The following PITPNC1 variants were observed in gnomAD, a reference collection of about 807,000 sequenced individuals.
PITPNC1 encodes the protein cytoplasmic phosphatidylinositol transfer protein 1.
Under a neutral mutation model 44.7 loss-of-function variants are expected in PITPNC1, and 18 were observed. The observed-to-expected ratio is 0.40, with a 90% CI of 0.28 to 0.60. The LOEUF (loss-of-function observed/expected upper bound fraction) is 0.60, where lower values mean the gene tolerates loss of function less well. Ranked by LOEUF, PITPNC1 falls within the 20% of genes least tolerant of loss-of-function variation. The probability of loss-of-function intolerance (pLI) is 0.39; values close to 1 mark genes in which losing one functional copy is unlikely to be tolerated. For missense variants in PITPNC1, 290 were observed against 418.4 expected (o/e 0.69, Z 2.68); for synonymous variants, 141 against 149.6 (o/e 0.94, Z 0.42).
chr17:67,623,572 C>T (rs192972065), intron 5 of PITPNC1, among the ~76,000 whole-genome samples: 5 of 152,184 alleles, frequency 3.3e-5, no homozygotes, highest in Non-Finnish European at 7.4e-5. Context: ...TTTGTAGAGA[C>T]GGGGTTTCAT....
chr17:67,573,954 G>A (rs193225118), intron 4 of PITPNC1, among the ~76,000 whole-genome samples: 27 of 152,284 alleles, frequency 1.8e-4, no homozygotes, highest in Admixed American at 1.8e-3. Flanking sequence ...AGGGAACTTT[G>A]TGCTTATTTA....
At chr17:67,675,123 C>T (rs778633563) in intron 7 of PITPNC1, among the ~76,000 whole-genome samples, 2 of 151,938 alleles carry the variant, frequency 1.3e-5, no homozygotes, top group Non-Finnish European at 2.9e-5. Flanking sequence ...AAAGTAGATG[C>T]TGTTTTAGTT....
At chr17:67,571,717 G>A (rs2041060044) in intron 4 of PITPNC1, among the ~76,000 whole-genome samples, 1 of 152,208 alleles carries the variant, frequency 6.6e-6, no homozygotes, top group African/African-American at 2.4e-5. Context: ...ACCTCTCTTG[G>A]GTCCTATCCA....
chr17:67,574,953 T>C (rs552494841), intron 4 of PITPNC1, among the ~76,000 whole-genome samples: 1 of 152,234 alleles, frequency 6.6e-6, no homozygotes, highest in South Asian at 2.1e-4. Flanking sequence ...CACTCAAAAA[T>C]AACAACATCT....
Position 67,504,167 on chromosome 17 carries a change from T to C in PITPNC1, c.49-28635T>C, listed in dbSNP as rs137863561. Among the ~76,000 whole-genome samples the C allele has an allele frequency of 1.3e-3, 199 of 152,230 alleles. 1 individual carries two copies. The highest frequency in any genetic ancestry group is 4.6e-3 in the African/African-American group (190 of 41,554). ...AAGCACCCTATTTTGGGGTATTGCT[T>C]TCTGAGCCCCAACATCTCCAGCCTT... On this transcript the variant is annotated intron_variant, in intron 1 of 8. Coordinates refer to ENST00000581322, the MANE Select transcript of PITPNC1 (RefSeq NM_012417.4).
chr17:67,670,064 A>C (rs1567769791), intron 7 of PITPNC1, among the ~76,000 whole-genome samples: 1 of 152,000 alleles, frequency 6.6e-6, no homozygotes, highest in Admixed American at 6.6e-5. Context: ...TAAGAGAGAA[A>C]CTCTGTCTCA....
intron 1 of PITPNC1, among the ~76,000 whole-genome samples, chr17:67,485,370 ATTTT>A (rs56863875): frequency 3.4e-4 from 42 of 122,142 alleles, no homozygotes; most frequent in Admixed American, 3.3e-4. Context: ...TAGTTGGGTG[ATTTT>A]TTTTTTTTTT....
intron 8 of PITPNC1, among the ~76,000 whole-genome samples, chr17:67,680,123 C>CTA (rs1035983869): frequency 4.6e-4 from 70 of 152,236 alleles, no homozygotes; most frequent in African/African-American, 1.7e-3. Context: ...AAGAAGCCTG[C>CTA]TAGGGGTTGC....
chr17:67,475,001 A>T (rs561981512), intron 1 of PITPNC1, among the ~76,000 whole-genome samples: 22 of 152,136 alleles, frequency 1.4e-4, no homozygotes, highest in South Asian at 4.1e-4. Flanking sequence ...GATGGCATTC[A>T]CCTATTAATT....
intron 1 of PITPNC1, among the ~76,000 whole-genome samples, chr17:67,458,880 A>G (rs2039292868): frequency 6.6e-6 from 1 of 152,060 alleles, no homozygotes; most frequent in Non-Finnish European, 1.5e-5. Flanking sequence ...CCTTGGGGCC[A>G]ATATTTCTGT....
intron 6 of PITPNC1, 72 bp from the exon 7 acceptor site, chr17:67,669,436 A>G: frequency 1.8e-6 from 2 of 1,112,822 alleles, no homozygotes; most frequent in Middle Eastern, 3.0e-4. Flanking sequence ...GTTATTTAAT[A>G]CTTATTCCTG....
At chr17:67,487,037 A>T (rs2039788578) in intron 1 of PITPNC1, among the ~76,000 whole-genome samples, 2 of 152,186 alleles carry the variant, frequency 1.3e-5, no homozygotes, top group Admixed American at 1.3e-4. Flanking sequence ...TGTCTAAAAA[A>T]AAAAGAGTAC....
At chr17:67,643,409 C>T (rs891738255) in intron 6 of PITPNC1, among the ~76,000 whole-genome samples, 7 of 151,972 alleles carry the variant, frequency 4.6e-5, no homozygotes, top group African/African-American at 1.7e-4. Context: ...AGAAAGAACC[C>T]TTGGGGAAAT....
At chr17:67,417,214 CTT>C (rs747033130) in intron 1 of PITPNC1, among the ~76,000 whole-genome samples, 2 of 152,116 alleles carry the variant, frequency 1.3e-5, no homozygotes, top group Non-Finnish European at 2.9e-5. Context: ...TCACTGAAGA[CTT>C]GAACTCCTGG....
At chr17:67,551,881 G>T (rs1172363024) in intron 2 of PITPNC1, among the ~76,000 whole-genome samples, 1 of 152,116 alleles carries the variant, frequency 6.6e-6, no homozygotes. Flanking sequence ...TCCTCTCCCT[G>T]CCAGTGTTTG....
At chr17:67,670,750 C>CTAA (rs2042499443) in intron 7 of PITPNC1, among the ~76,000 whole-genome samples, 1 of 60,512 alleles carries the variant, frequency 1.7e-5, no homozygotes, top group African/African-American at 6.1e-5. Flanking sequence ...GACTCCATCT[C>CTAA]AAAAAAAAAA....
At chr17:67,400,246 C>G (rs1007389681) in intron 1 of PITPNC1, among the ~76,000 whole-genome samples, 1 of 152,190 alleles carries the variant, frequency 6.6e-6, no homozygotes, top group African/African-American at 2.4e-5. Context: ...GTGTCATAGT[C>G]ATAAAGGCTT....
At chr17:67,391,986 A>G (rs1278473172) in intron 1 of PITPNC1, among the ~76,000 whole-genome samples, 1 of 152,130 alleles carries the variant, frequency 6.6e-6, no homozygotes, top group Non-Finnish European at 1.5e-5. Context: ...CTCTTCGAAA[A>G]TAACTTTTGT....
At chr17:67,581,866 C>G (rs8080203) in intron 5 of PITPNC1, among the ~76,000 whole-genome samples, 3,758 of 152,166 alleles carry the variant, frequency 0.025, 144 homozygotes, top group African/African-American at 0.086. Flanking sequence ...AACCTCGTCT[C>G]TACTAAAAAT....
Sources: gnomAD v4.1 joint callset for allele counts (sites outside exome capture counted in the v4.1 genomes callset) on GRCh38, gnomAD v4.1.1 for gene constraint, MANE v1.5 for transcripts, NCBI Gene and HGNC (gene_info 2026-07-23, HGNC 2026-07-21) for gene names.